The following RASGRF2 variants were observed in gnomAD, a reference collection of about 807,000 sequenced individuals.
RASGRF2 encodes ras-specific guanine nucleotide-releasing factor 2.
In RASGRF2, 76 loss-of-function variants were observed where a neutral mutation model predicts 151.0. The observed-to-expected ratio is 0.50, with a 90% CI of 0.42 to 0.61. The LOEUF (loss-of-function observed/expected upper bound fraction) is 0.61, where lower values mean the gene tolerates loss of function less well. Among genes scored for constraint, RASGRF2 ranks in the 20% least tolerant of loss-of-function variants. RASGRF2 has a pLI of 0.00. For missense variants in RASGRF2, 1,148 were observed against 1,564.6 expected (o/e 0.73, Z 4.49); for synonymous variants, 504 against 566.5 (o/e 0.89, Z 1.57).
At chr5:81,019,056 C>T (rs190208687) in intron 1 of RASGRF2, among the ~76,000 whole-genome samples, 3 of 136,788 alleles carry the variant, frequency 2.2e-5, no homozygotes, top group Non-Finnish European at 4.8e-5. Context: ...CAACCTCGGC[C>T]TCCCAAAGTG....
intron 1 of RASGRF2, among the ~76,000 whole-genome samples, chr5:80,990,163 AG>A (rs1346307363): frequency 6.6e-6 from 1 of 151,682 alleles, no homozygotes; most frequent in Non-Finnish European, 1.5e-5. Flanking sequence ...CTATTTGCTT[AG>A]CCCAGTGCTC....
intron 17 of RASGRF2, among the ~76,000 whole-genome samples, chr5:81,141,468 G>A (rs1753883998): frequency 6.6e-6 from 1 of 152,160 alleles, no homozygotes; most frequent in African/African-American, 2.4e-5. Context: ...GGCATCTGGA[G>A]TGGTGAAGGG....
At chr5:81,221,751 C>T (rs1007358529) in intron 26 of RASGRF2, among the ~76,000 whole-genome samples, 19 of 152,040 alleles carry the variant, frequency 1.2e-4, no homozygotes, top group South Asian at 1.0e-3. Context: ...CCAAGGCAGC[C>T]GGATTACCTG....
intron 2 of RASGRF2, among the ~76,000 whole-genome samples, chr5:81,061,525 T>TG (rs1488491410): frequency 6.6e-6 from 1 of 151,816 alleles, no homozygotes; most frequent in Non-Finnish European, 1.5e-5. Flanking sequence ...TTTTTTTTTT[T>TG]GAGACAGGAT....
chr5:80,967,844 A>G (rs1747773089), intron 1 of RASGRF2, among the ~76,000 whole-genome samples: 1 of 152,246 alleles, frequency 6.6e-6, no homozygotes, highest in South Asian at 2.1e-4. Context: ...TCAGTGATTC[A>G]TAGGAATAGG....
chr5:80,983,940 G>A (rs1748394079), intron 1 of RASGRF2, among the ~76,000 whole-genome samples: 2 of 152,160 alleles, frequency 1.3e-5, no homozygotes, highest in Admixed American at 1.3e-4. Context: ...GCTTACATTT[G>A]TGGTGCGTAT....
intron 5 of RASGRF2, among the ~76,000 whole-genome samples, chr5:81,078,087 T>G (rs1751988442): frequency 6.6e-6 from 1 of 152,214 alleles, no homozygotes; most frequent in African/African-American, 2.4e-5. Flanking sequence ...ATGGATACAT[T>G]TTATGGTTAC....
At chr5:81,201,571 T>G (rs1000214670) in intron 19 of RASGRF2, 129 bp downstream of exon 19, 8 of 1,033,924 alleles carry the variant, frequency 7.7e-6, no homozygotes, top group Non-Finnish European at 1.1e-5. Flanking sequence ...TAAAGTGTTA[T>G]GTATTATCTT....
chr5:80,996,515 TCCTCCCCC>T (rs1561544820), intron 1 of RASGRF2, among the ~76,000 whole-genome samples: 47 of 46,454 alleles, frequency 1.0e-3, no homozygotes, highest in Non-Finnish European at 1.3e-3. Context: ...CTCCTCCTCC[TCCTCCCCC>T]TCCTCCTCCT....
rs1281438014 is a variant in RASGRF2, at chr5:81,208,446, A to G, written c.3156+8A>G. The G allele has an allele frequency of 6.2e-7, 1 of 1,605,026 alleles. No individual in the cohort carries two copies. The highest frequency in any genetic ancestry group is 8.5e-7 in the Non-Finnish European group (1 of 1,173,590). ...AGCCAACACTTCAATGACGTGAGTA[A>G]CCGTAACAGTAAAACCGTGGGCGTG... On this transcript the variant is annotated splice_region_variant and intron_variant, in intron 22 of 26. Coordinates refer to ENST00000265080, the MANE Select transcript of RASGRF2 (RefSeq NM_006909.3).
intron 18 of RASGRF2, among the ~76,000 whole-genome samples, chr5:81,182,903 T>A (rs1278689083): frequency 6.6e-6 from 1 of 152,218 alleles, no homozygotes; most frequent in African/African-American, 2.4e-5. Flanking sequence ...ACTGCTGGTC[T>A]GAAAACGTGT....
At chr5:81,144,311 A>G (rs958273935) in intron 17 of RASGRF2, among the ~76,000 whole-genome samples, 2 of 152,240 alleles carry the variant, frequency 1.3e-5, no homozygotes, top group Non-Finnish European at 2.9e-5. Flanking sequence ...TCTAAGGTCT[A>G]TGGTAAGGGA....
At chr5:81,094,751 C>G in intron 11 of RASGRF2, 105 bp from the exon 12 acceptor site, 1 of 1,267,786 alleles carries the variant, frequency 7.9e-7, no homozygotes, top group Non-Finnish European at 1.1e-6. Context: ...ATGAGAGTCC[C>G]GATTTGAGTG....
chr5:81,014,146 C>T (rs1266863544), intron 1 of RASGRF2, among the ~76,000 whole-genome samples: 3 of 152,228 alleles, frequency 2.0e-5, no homozygotes, highest in East Asian at 1.9e-4. Flanking sequence ...AAAAGTTTTA[C>T]ATTTTTATGT....
intron 9 of RASGRF2, 40 bp downstream of exon 9, chr5:81,086,993 T>C: frequency 6.5e-7 from 1 of 1,530,810 alleles, no homozygotes; most frequent in South Asian, 1.1e-5. Context: ...TGATGCGCTG[T>C]GCGGCTGTCA....
chr5:81,036,929 C>T (rs909101160), intron 1 of RASGRF2, among the ~76,000 whole-genome samples: 2 of 152,116 alleles, frequency 1.3e-5, no homozygotes, highest in Non-Finnish European at 2.9e-5. Context: ...AAAGACATAC[C>T]TGAGACTGGG....
intron 12 of RASGRF2, among the ~76,000 whole-genome samples, chr5:81,100,022 G>A (rs953141950): frequency 2.0e-5 from 3 of 149,820 alleles, no homozygotes; most frequent in African/African-American, 4.9e-5. Context: ...ATTCTCCTGC[G>A]TCAGCCTCCC....
intron 7 of RASGRF2, among the ~76,000 whole-genome samples, chr5:81,084,664 G>T (rs553048454): frequency 2.0e-5 from 3 of 152,244 alleles, no homozygotes; most frequent in African/African-American, 7.2e-5. Context: ...CCCAATGAAG[G>T]CCACCACTTG....
chr5:81,048,814 G>A (rs779261078), intron 2 of RASGRF2, among the ~76,000 whole-genome samples: 3 of 151,686 alleles, frequency 2.0e-5, no homozygotes, highest in Non-Finnish European at 2.9e-5. Flanking sequence ...TTTATTCCTC[G>A]CTCCTTACCT....
Sources: gnomAD v4.1 joint callset for allele counts (sites outside exome capture counted in the v4.1 genomes callset) on GRCh38, gnomAD v4.1.1 for gene constraint, MANE v1.5 for transcripts, NCBI Gene and HGNC (gene_info 2026-07-23, HGNC 2026-07-21) for gene names.